Variants in TEK observed in about 807,000 individuals in gnomAD.
The protein encoded by TEK is TEK receptor tyrosine kinase.
A neutral mutation model predicts 131.8 loss-of-function variants in TEK; 43 were observed. That is an observed-to-expected ratio of 0.33 (90% CI 0.26 to 0.42). The LOEUF (loss-of-function observed/expected upper bound fraction) is 0.42. Ranked by LOEUF, TEK falls within the 10% of genes least tolerant of loss-of-function variation. TEK has a pLI of 1.00. For missense variants in TEK, 1,162 were observed against 1,384.4 expected (o/e 0.84, Z 2.55); for synonymous variants, 580 against 491.6 (o/e 1.18, Z -2.38).
intron 1 of TEK, among the ~76,000 whole-genome samples, chr9:27,137,976 G>T (rs1046948515): frequency 6.6e-6 from 1 of 152,038 alleles, no homozygotes; most frequent in African/African-American, 2.4e-5. Flanking sequence ...CCTTCCAGTG[G>T]GTTTGTGGTC....
At chr9:27,194,401 G>A (rs2131190799) in intron 11 of TEK, among the ~76,000 whole-genome samples, 1 of 152,232 alleles carries the variant, frequency 6.6e-6, no homozygotes, top group Middle Eastern at 3.4e-3. Flanking sequence ...ACTTATAGAA[G>A]CATTACACAC....
chr9:27,185,523 C>T lies in TEK; in HGVS notation c.1221C>T (p.Ala407=), dbSNP rs766561898. ...ACCATACGGATCATTTCTCAGTAGC[C>T]ATATTCACCATCCACCGGATCCTCC... ...DFNHTDHFSV[A]IFTIHRILPP... is the part of the protein sequence containing the mutation. The change falls in exon 9 of 23, where the codon GCC becomes GCT. Residue 407 remains alanine, a synonymous_variant. Coordinates refer to ENST00000380036, the MANE Select transcript of TEK (RefSeq NM_000459.5). 3.1e-6 allele frequency: 5 copies of T among 1,613,658 alleles called. No homozygotes were observed. The East Asian group carries it at 8.9e-5, about 29-fold the overall frequency.
At chr9:27,219,970 C>G in intron 20 of TEK, 79 bp from the exon 21 acceptor site, 1 of 1,472,280 alleles carries the variant, frequency 6.8e-7, no homozygotes, top group Non-Finnish European at 9.5e-7. Flanking sequence ...CTCCTGGCCC[C>G]TTATATTTAG....
intron 2 of TEK, among the ~76,000 whole-genome samples, chr9:27,162,865 A>G (rs544642944): frequency 1.3e-5 from 2 of 152,128 alleles, no homozygotes; most frequent in African/African-American, 2.4e-5. Flanking sequence ...ACAGGTGCGC[A>G]CCACCATGCC....
intron 1 of TEK, among the ~76,000 whole-genome samples, chr9:27,147,020 C>T (rs75297550): frequency 0.034 from 5,249 of 152,180 alleles, 304 homozygotes; most frequent in African/African-American, 0.12. Context: ...TGAGACACTG[C>T]GCCCGGCCAA....
intron 2 of TEK, among the ~76,000 whole-genome samples, chr9:27,162,284 G>C (rs775322688): frequency 6.6e-6 from 1 of 152,180 alleles, no homozygotes; most frequent in East Asian, 1.9e-4. Flanking sequence ...CTGCTGACTC[G>C]TACATCTGTG....
In TEK at chr9:27,127,208, T is replaced by C. The variant is rs78341589; in HGVS notation, c.52+17566T>C. Among the ~76,000 whole-genome samples the C allele has an allele frequency of 5.4e-3, 821 of 152,308 alleles. 7 individuals are homozygous for C. The highest frequency in any genetic ancestry group is 0.019 in the African/African-American group (773 of 41,558). On this transcript the variant is annotated intron_variant, in intron 1 of 22. Transcript: ENST00000380036. ...GTGTTCTCATTGTTCAGCTCCCGTT[T>C]ATGAGTGAGAACATGCAGTGTTTGG...
At chr9:27,148,708 T>C (rs1823022948) in intron 1 of TEK, among the ~76,000 whole-genome samples, 1 of 152,260 alleles carries the variant, frequency 6.6e-6, no homozygotes, top group African/African-American at 2.4e-5. Context: ...TGCAAAATAT[T>C]GTGACCACTT....
intron 1 of TEK, among the ~76,000 whole-genome samples, chr9:27,152,282 G>T (rs550660283): frequency 6.6e-6 from 1 of 152,224 alleles, no homozygotes; most frequent in East Asian, 1.9e-4. Flanking sequence ...GAAGCACAAG[G>T]GAATAAGCCT....
At chr9:27,171,243 C>A (rs1234215090) in intron 4 of TEK, among the ~76,000 whole-genome samples, 1 of 152,136 alleles carries the variant, frequency 6.6e-6, no homozygotes, top group Non-Finnish European at 1.5e-5. Flanking sequence ...CCAGCTAGAT[C>A]AGGTTTTCAT....
At chr9:27,193,939 T>C (rs926932498) in intron 11 of TEK, among the ~76,000 whole-genome samples, 1 of 152,178 alleles carries the variant, frequency 6.6e-6, no homozygotes, top group Non-Finnish European at 1.5e-5. Flanking sequence ...CCTGAGTAGC[T>C]GGGACTACAG....
intron 15 of TEK, 33 bp from the exon 16 acceptor site, chr9:27,209,086 CAA>C (rs765347485): frequency 1.3e-6 from 2 of 1,494,164 alleles, no homozygotes; most frequent in Non-Finnish European, 1.9e-6. Context: ...AAAGGTGTAA[CAA>C]AGAAGAATCA....
At chr9:27,155,429 G>C (rs879617281) in intron 1 of TEK, among the ~76,000 whole-genome samples, 7 of 152,204 alleles carry the variant, frequency 4.6e-5, no homozygotes, top group African/African-American at 7.2e-5. Context: ...CATGTAATGA[G>C]TTAATATTAC....
chr9:27,121,796 G>A (rs1821801056), intron 1 of TEK, among the ~76,000 whole-genome samples: 2 of 152,178 alleles, frequency 1.3e-5, no homozygotes, highest in Admixed American at 1.3e-4. Context: ...GAGAGACACT[G>A]CTATAACCAG....
chr9:27,224,615 T>G (rs557234792), intron 21 of TEK, among the ~76,000 whole-genome samples: 1 of 152,184 alleles, frequency 6.6e-6, no homozygotes, highest in East Asian at 1.9e-4. Context: ...CTCAAAATAT[T>G]AAGAGCTGTT....
intron 1 of TEK, among the ~76,000 whole-genome samples, chr9:27,146,053 G>GTCA (rs1203670898): frequency 2.0e-5 from 3 of 152,152 alleles, no homozygotes; most frequent in Non-Finnish European, 1.5e-5. Flanking sequence ...AAGCTTAGAT[G>GTCA]TCATCGTACT....
intron 8 of TEK, 80 bp downstream of exon 8, chr9:27,183,690 C>T: frequency 6.4e-7 from 1 of 1,555,150 alleles, no homozygotes; most frequent in South Asian, 1.1e-5. Context: ...TGATAGATAC[C>T]ATTCAGTGCT....
chr9:27,141,465 CT>C (rs1345204790), intron 1 of TEK, among the ~76,000 whole-genome samples: 1 of 152,136 alleles, frequency 6.6e-6, no homozygotes, highest in East Asian at 1.9e-4. Flanking sequence ...TTCCTTTTCC[CT>C]TCCAAGTCTT....
intron 7 of TEK, among the ~76,000 whole-genome samples, chr9:27,180,722 CAG>C (rs1022427657): frequency 3.3e-4 from 50 of 152,180 alleles, no homozygotes; most frequent in African/African-American, 1.1e-3. Context: ...TGGATTTAGA[CAG>C]GGGATATTTT....
Sources: gnomAD v4.1 joint callset for allele counts (sites outside exome capture counted in the v4.1 genomes callset) on GRCh38, gnomAD v4.1.1 for gene constraint, MANE v1.5 for transcripts, NCBI Gene and HGNC (gene_info 2026-07-23, HGNC 2026-07-21) for gene names.